MYO3A: variants seen among roughly 807,000 people sequenced by gnomAD.
MYO3A encodes myosin IIIA, also known as myosin-IIIa.
In MYO3A, 180 loss-of-function variants were observed where a neutral mutation model predicts 192.7. The observed-to-expected ratio is 0.93, with a 90% CI of 0.83 to 1.06. The LOEUF (loss-of-function observed/expected upper bound fraction) is 1.06, where lower values mean the gene tolerates loss of function less well. Among genes scored for constraint, MYO3A ranks in the 50% least tolerant of loss-of-function variants. The probability of loss-of-function intolerance (pLI) is 0.00; values close to 1 mark genes in which losing one functional copy is unlikely to be tolerated. For missense variants in MYO3A, 1,896 were observed against 1,905.0 expected (o/e 1.00, Z 0.09); for synonymous variants, 628 against 645.3 (o/e 0.97, Z 0.41).
At chr10:25,943,904 C>T (rs1836666946) in intron 2 of MYO3A, among the ~76,000 whole-genome samples, 1 of 151,276 alleles carries the variant, frequency 6.6e-6, no homozygotes, top group African/African-American at 2.4e-5. Context: ...ATGTTTCTTG[C>T]CTGATTGCTC....
At chr10:26,063,100 G>T (rs1013915597) in intron 10 of MYO3A, among the ~76,000 whole-genome samples, 2 of 152,088 alleles carry the variant, frequency 1.3e-5, no homozygotes, top group African/African-American at 4.8e-5. Context: ...CCAGTGGAGG[G>T]AAAATTCTAA....
chr10:26,055,004 G>T (rs1383483234), intron 10 of MYO3A, among the ~76,000 whole-genome samples: 1 of 152,196 alleles, frequency 6.6e-6, no homozygotes, highest in Non-Finnish European at 1.5e-5. Flanking sequence ...TCTGCCCTGT[G>T]CCCTGGAAAG....
chr10:26,081,133 T>TCCCCGCCCCCCC (rs1835904817), intron 14 of MYO3A, among the ~76,000 whole-genome samples: 1 of 84,940 alleles, frequency 1.2e-5, no homozygotes, highest in Non-Finnish European at 2.5e-5. Context: ...TATATGCCCT[T>TCCCCGCCCCCCC]CCCCCCCCCC....
intron 31 of MYO3A, among the ~76,000 whole-genome samples, chr10:26,180,564 A>T (rs1392020935): frequency 6.6e-6 from 1 of 152,194 alleles, no homozygotes; most frequent in Non-Finnish European, 1.5e-5. Flanking sequence ...AAAAGGGAAC[A>T]GATGGGATTG....
chr10:26,133,870 T>A (rs939325781), intron 20 of MYO3A, among the ~76,000 whole-genome samples: 1 of 152,226 alleles, frequency 6.6e-6, no homozygotes, highest in Non-Finnish European at 1.5e-5. Flanking sequence ...AGCATACTAT[T>A]GACAAACCAA....
chr10:26,176,293 CA>C (rs901523063), intron 30 of MYO3A, among the ~76,000 whole-genome samples: 10,796 of 93,298 alleles, frequency 0.12, 395 homozygotes, highest in Middle Eastern at 0.14. Flanking sequence ...GACTCCGTCT[CA>C]AAAAAAAAAA....
intron 24 of MYO3A, 87 bp from the exon 25 acceptor site, chr10:26,154,659 T>TA: frequency 8.3e-7 from 1 of 1,205,226 alleles, no homozygotes. Flanking sequence ...TAAACTAAGA[T>TA]AGCCTGAAGG....
chr10:26,153,977 G>A lies in MYO3A; in HGVS notation c.2715+48G>A, dbSNP rs544315347. The A allele has an allele frequency of 3.1e-6, 4 of 1,290,698 alleles. No homozygotes were observed. The East Asian group carries it at 9.3e-5, about 30-fold the overall frequency. The allele number at this position is 1,290,698 out of a possible 1,614,324, so 80.0% of individuals were successfully genotyped here. ...GGCAGTGAGTCTAAGAATCTAACCG[G>A]TATGATGGCAATATTTGTATGCTTC... On this transcript the variant is annotated intron_variant, in intron 24 of 34. Coordinates refer to ENST00000642920, the MANE Select transcript of MYO3A (RefSeq NM_017433.5).
chr10:26,067,953 T>A (rs1264505787), intron 11 of MYO3A, among the ~76,000 whole-genome samples: 1 of 152,194 alleles, frequency 6.6e-6, no homozygotes, highest in African/African-American at 2.4e-5. Flanking sequence ...CATAAACAAC[T>A]CAAGTACTTC....
chr10:26,042,696 A>C (rs1843418919), intron 10 of MYO3A, among the ~76,000 whole-genome samples: 1 of 152,196 alleles, frequency 6.6e-6, no homozygotes, highest in Non-Finnish European at 1.5e-5. Context: ...TATCTGATAG[A>C]ATTCTGAATT....
rs1414700297 is a variant in MYO3A, at chr10:26,088,108, T to A, written c.1360-95T>A. ...TCAGGAACATGCTTTTGTATGTTTATATCTACATAAATTGCTTACCAAAGA... is the reference window on the plus strand; with the variant it reads ...TCAGGAACATGCTTTTGTATGTTTAAATCTACATAAATTGCTTACCAAAGA... On this transcript the variant is annotated intron_variant, in intron 14 of 34. Transcript: ENST00000642920. The A allele has an allele frequency of 5.0e-6, 5 of 990,922 alleles. No individual in the cohort carries two copies. The East Asian group carries it at 1.1e-4, about 21-fold the overall frequency. 61.4% of individuals were successfully genotyped at this position (990,922 alleles called of 1,614,324 possible). A position where few individuals can be genotyped will look rare whatever the true frequency, so the allele number is the denominator to read the frequency against.
chr10:26,031,318 C>A (rs1169902449), intron 10 of MYO3A, among the ~76,000 whole-genome samples: 1 of 152,224 alleles, frequency 6.6e-6, no homozygotes, highest in African/African-American at 2.4e-5. Context: ...TAAAAGGCTG[C>A]CACTGAAAAC....
At chr10:25,980,079 T>C (rs1421459891) in intron 4 of MYO3A, among the ~76,000 whole-genome samples, 1 of 151,654 alleles carries the variant, frequency 6.6e-6, no homozygotes, top group African/African-American at 2.4e-5. Context: ...TACTAAAAAA[T>C]ACAAAAAATT....
At chr10:26,205,573 C>T (rs1160771986) in intron 34 of MYO3A, among the ~76,000 whole-genome samples, 5 of 139,894 alleles carry the variant, frequency 3.6e-5, no homozygotes, top group Non-Finnish European at 6.1e-5. Flanking sequence ...CAGGTTCACT[C>T]GTGTTGTTAA....
chr10:26,026,840 T>C (rs1842573360), intron 10 of MYO3A, among the ~76,000 whole-genome samples: 1 of 152,192 alleles, frequency 6.6e-6, no homozygotes, highest in Non-Finnish European at 1.5e-5. Flanking sequence ...TAGCTGGGAT[T>C]ACAGGCCCAT....
chr10:26,038,820 A>G (rs531780449), intron 10 of MYO3A, among the ~76,000 whole-genome samples: 27 of 152,320 alleles, frequency 1.8e-4, no homozygotes, highest in African/African-American at 6.3e-4. Flanking sequence ...TGGATCTGAC[A>G]TATGTTCGTT....
chr10:26,088,512 T>C (rs1836482854), intron 15 of MYO3A, 107 bp downstream of exon 15: 4 of 1,065,154 alleles, frequency 3.8e-6, no homozygotes, highest in Admixed American at 2.0e-5. Flanking sequence ...TATCACTTAC[T>C]ATATGCAAAG....
intron 10 of MYO3A, among the ~76,000 whole-genome samples, chr10:26,050,113 C>A (rs772462535): frequency 1.3e-5 from 2 of 151,956 alleles, no homozygotes; most frequent in African/African-American, 2.4e-5. Context: ...ACATGCATTA[C>A]TTTTATAATT....
At chr10:26,033,615 G>C (rs897173789) in intron 10 of MYO3A, among the ~76,000 whole-genome samples, 1 of 152,164 alleles carries the variant, frequency 6.6e-6, no homozygotes, top group Admixed American at 6.5e-5. Context: ...TAAAGGTCTA[G>C]ATAAAGGTTC....
Sources: allele counts gnomAD v4.1 joint callset (sites outside exome capture counted in the v4.1 genomes callset), GRCh38; gene constraint gnomAD v4.1.1; transcripts MANE v1.5; gene names NCBI Gene and HGNC (gene_info 2026-07-23, HGNC 2026-07-21).